TSGA10: variants seen among roughly 807,000 people sequenced by gnomAD.
TSGA10 encodes testis specific 10.
Under a neutral mutation model 96.6 loss-of-function variants are expected in TSGA10, and 43 were observed. That is an observed-to-expected ratio of 0.44 (90% confidence interval 0.35 to 0.57). The LOEUF is 0.57. TSGA10 is among the 20% of genes least tolerant of loss of function. The probability of loss-of-function intolerance (pLI) is 0.01; values close to 1 mark genes in which losing one functional copy is unlikely to be tolerated. For missense variants in TSGA10, 703 were observed against 834.4 expected, an observed-to-expected ratio of 0.84 and a Z score of 1.94; for synonymous variants, 229 against 269.9, an observed-to-expected ratio of 0.85 and a Z score of 1.48.
chr2:99,024,459 CA>C (rs1305491500), intron 17 of TSGA10, among the ~76,000 whole-genome samples: 7 of 151,894 alleles, frequency 4.6e-5, no homozygotes, highest in African/African-American at 1.7e-4. Context: ...TCAGATTGTT[CA>C]TTGTTAATGT....
intron 10 of TSGA10, among the ~76,000 whole-genome samples, chr2:99,095,673 G>A (rs1021485677): frequency 8.5e-5 from 13 of 152,164 alleles, no homozygotes; most frequent in South Asian, 2.1e-4. Context: ...ACAGAGTTTC[G>A]CTCTGTCACC....
intron 20 of TSGA10, among the ~76,000 whole-genome samples, chr2:99,007,510 A>G (rs1050088180): frequency 6.6e-6 from 1 of 152,232 alleles, no homozygotes; most frequent in Non-Finnish European, 1.5e-5. Context: ...ATCTAAATGC[A>G]TCAGAAAAGG....
chr2:99,052,764 TA>T (rs1214419977), intron 16 of TSGA10, among the ~76,000 whole-genome samples: 1 of 150,056 alleles, frequency 6.7e-6, no homozygotes, highest in Admixed American at 6.6e-5. Context: ...TTAAAATAAA[TA>T]AATAAATAAA....
At chr2:99,112,441 AAAT>A (rs1479094996) in intron 4 of TSGA10, among the ~76,000 whole-genome samples, 1 of 152,118 alleles carries the variant, frequency 6.6e-6, no homozygotes, top group Non-Finnish European at 1.5e-5. Flanking sequence ...TAAACCTAAC[AAAT>A]AATTATATAG....
intron 10 of TSGA10, chr2:99,102,452 A>C: frequency 6.2e-7 from 1 of 1,613,966 alleles, no homozygotes; most frequent in African/African-American, 1.3e-5. Flanking sequence ...TTTCAGGTGG[A>C]CAGAAATCCT....
At chr2:99,149,939 C>G (rs979774529) in intron 1 of TSGA10, among the ~76,000 whole-genome samples, 2 of 151,958 alleles carry the variant, frequency 1.3e-5, no homozygotes, top group African/African-American at 4.8e-5. Flanking sequence ...ATTTCAGGTG[C>G]ATGCCACCAC....
chr2:99,148,709 T>C (rs576133875), intron 1 of TSGA10, among the ~76,000 whole-genome samples: 8 of 152,304 alleles, frequency 5.3e-5, no homozygotes, highest in African/African-American at 1.7e-4. Context: ...CAGTGGCTCA[T>C]GCTTGTAATC....
intron 16 of TSGA10, among the ~76,000 whole-genome samples, chr2:99,039,669 T>A (rs543884110): frequency 2.0e-5 from 3 of 152,194 alleles, no homozygotes; most frequent in South Asian, 2.1e-4. Context: ...CAGGACCAGA[T>A]GAATTCACAG....
chr2:99,042,037 CACA>C (rs2082235386), intron 16 of TSGA10, among the ~76,000 whole-genome samples: 1 of 138,056 alleles, frequency 7.2e-6, no homozygotes, highest in Non-Finnish European at 1.5e-5. Flanking sequence ...ATTGCCCCCC[CACA>C]TTTTTTTTTT....
At chr2:99,048,785 G>A (rs1391324629) in intron 16 of TSGA10, among the ~76,000 whole-genome samples, 5 of 152,108 alleles carry the variant, frequency 3.3e-5, no homozygotes, top group African/African-American at 1.2e-4. Context: ...TCATCAGTAT[G>A]AACAGGCAAC....
intron 15 of TSGA10, among the ~76,000 whole-genome samples, 194 bp from the exon 16 acceptor site, chr2:99,065,318 C>T (rs1293588635): frequency 1.3e-5 from 2 of 152,202 alleles, no homozygotes; most frequent in Non-Finnish European, 2.9e-5. Flanking sequence ...AGCATCTGCC[C>T]TGGCTCCTGA....
At chr2:99,101,950 T>C (rs1473355581) in intron 10 of TSGA10, 7 of 745,302 alleles carry the variant, frequency 9.4e-6, no homozygotes, top group African/African-American at 5.3e-5. Flanking sequence ...CGAAAAACTC[T>C]AGAGATCTGC....
intron 15 of TSGA10, among the ~76,000 whole-genome samples, chr2:99,068,250 T>C (rs189886564): frequency 2.6e-5 from 4 of 152,284 alleles, no homozygotes; most frequent in African/African-American, 9.6e-5. Context: ...TATAGGTGGA[T>C]TGATTATTAT....
At chr2:99,046,560 C>T (rs1267810393) in intron 16 of TSGA10, among the ~76,000 whole-genome samples, 1 of 152,130 alleles carries the variant, frequency 6.6e-6, no homozygotes, top group Non-Finnish European at 1.5e-5. Flanking sequence ...ATCTCTGGGA[C>T]ACAGCTAAAG....
At chr2:99,045,417 A>G (rs2104283555) in intron 16 of TSGA10, among the ~76,000 whole-genome samples, 1 of 152,282 alleles carries the variant, frequency 6.6e-6, no homozygotes, top group African/African-American at 2.4e-5. Flanking sequence ...AGAAGACAGC[A>G]GGGCCAATAT....
At chr2:99,131,011 A>G (rs1380445463) in intron 1 of TSGA10, among the ~76,000 whole-genome samples, 1 of 152,146 alleles carries the variant, frequency 6.6e-6, no homozygotes, top group Admixed American at 6.5e-5. Context: ...TTTTGGTACC[A>G]GTACCATGCT....
At chr2:99,027,926 G>A (rs1396158864) in intron 17 of TSGA10, among the ~76,000 whole-genome samples, 1 of 151,984 alleles carries the variant, frequency 6.6e-6, no homozygotes, top group African/African-American at 2.4e-5. Context: ...CCCATCTTGG[G>A]GCTTGTTATG....
chr2:99,032,206 C>T (rs1264491755), intron 17 of TSGA10, among the ~76,000 whole-genome samples: 1 of 152,110 alleles, frequency 6.6e-6, no homozygotes, highest in Non-Finnish European at 1.5e-5. Context: ...CTTTCCTGCA[C>T]TGAGTACTTG....
At chr2:99,141,278 C>A in intron 1 of TSGA10, 2 of 664,036 alleles carry the variant, frequency 3.0e-6, no homozygotes, top group Non-Finnish European at 2.0e-6. Context: ...ACGGAGCCCG[C>A]GGGAAGGAGG....
Sources: allele counts gnomAD v4.1 joint callset (sites outside exome capture counted in the v4.1 genomes callset), GRCh38; gene constraint gnomAD v4.1.1; transcripts MANE v1.5; gene names NCBI Gene and HGNC (gene_info 2026-07-23, HGNC 2026-07-21).